Variants in RPTOR observed in about 807,000 individuals in gnomAD.
The protein encoded by RPTOR is regulatory-associated protein of mTOR.
In RPTOR, 21 loss-of-function variants were observed where a neutral mutation model predicts 169.9. The ratio of observed to expected loss-of-function variants is 0.12; its 90% CI spans 0.09 to 0.18. The LOEUF (loss-of-function observed/expected upper bound fraction) is 0.18. RPTOR is among the 10% of genes least tolerant of loss of function. The probability of loss-of-function intolerance (pLI) is 1.00; values close to 1 mark genes in which losing one functional copy is unlikely to be tolerated. For synonymous variants in RPTOR, 732 were observed against 753.2 expected (o/e 0.97, Z 0.46); for missense variants, 1,133 against 1,855.9 (o/e 0.61, Z 7.16).
chr17:80,914,106 C>T (rs932107617), intron 21 of RPTOR, among the ~76,000 whole-genome samples: 4 of 152,228 alleles, frequency 2.6e-5, no homozygotes, highest in Non-Finnish European at 4.4e-5. Flanking sequence ...GTGTACTTAA[C>T]GAAAGGTCAA....
At chr17:80,559,557 T>C (rs1395812038) in intron 1 of RPTOR, among the ~76,000 whole-genome samples, 1 of 152,196 alleles carries the variant, frequency 6.6e-6, no homozygotes, top group African/African-American at 2.4e-5. Context: ...GCTTTGCCCT[T>C]GGTGTGGCAT....
chr17:80,819,706 G>A (rs533276600), intron 7 of RPTOR, among the ~76,000 whole-genome samples: 1 of 152,320 alleles, frequency 6.6e-6, no homozygotes, highest in African/African-American at 2.4e-5. Flanking sequence ...TTTTTGTTTA[G>A]GGCAGGGACA....
chr17:80,667,918 G>T (rs1040060974), intron 3 of RPTOR, among the ~76,000 whole-genome samples: 1 of 152,166 alleles, frequency 6.6e-6, no homozygotes, highest in African/African-American at 2.4e-5. Context: ...ATTTTAGTGG[G>T]AAAATCCACA....
At chr17:80,829,002 T>G (rs190051905) in intron 9 of RPTOR, among the ~76,000 whole-genome samples, 1 of 152,214 alleles carries the variant, frequency 6.6e-6, no homozygotes, top group East Asian at 1.9e-4. Context: ...CTAAACAGAT[T>G]TATAAATAAA....
At chr17:80,848,067 G>T (rs1184836861) in intron 11 of RPTOR, among the ~76,000 whole-genome samples, 2 of 152,254 alleles carry the variant, frequency 1.3e-5, no homozygotes, top group Non-Finnish European at 1.5e-5. Context: ...AGAAAGAGGA[G>T]TTGGGAGAAG....
At chr17:80,750,911 TATC>T (rs531485389) in intron 5 of RPTOR, among the ~76,000 whole-genome samples, 3 of 152,316 alleles carry the variant, frequency 2.0e-5, no homozygotes, top group South Asian at 4.1e-4. Flanking sequence ...ACAGGTAATT[TATC>T]ATCATAAAAA....
chr17:80,675,083 A>G (rs1023620212), intron 3 of RPTOR, among the ~76,000 whole-genome samples: 11 of 152,192 alleles, frequency 7.2e-5, no homozygotes, highest in African/African-American at 2.7e-4. Context: ...TTCTTTGTTC[A>G]GCTATGTCCA....
intron 1 of RPTOR, among the ~76,000 whole-genome samples, chr17:80,560,952 C>T (rs115610344): frequency 4.9e-4 from 74 of 151,992 alleles, no homozygotes; most frequent in African/African-American, 1.4e-3. Flanking sequence ...ATCTGTGAGC[C>T]GGGGGGCTGG....
At chr17:80,903,751 G>A (rs960571501) in intron 20 of RPTOR, among the ~76,000 whole-genome samples, 9 of 152,094 alleles carry the variant, frequency 5.9e-5, no homozygotes, top group East Asian at 1.9e-4. Flanking sequence ...AGTGAGTTCC[G>A]GCCAGGCCTC....
At chr17:80,634,528 GTGCA>G (rs2065479511) in intron 2 of RPTOR, among the ~76,000 whole-genome samples, 3 of 146,964 alleles carry the variant, frequency 2.0e-5, no homozygotes, top group Admixed American at 6.8e-5. Flanking sequence ...TGCGTACTGT[GTGCA>G]TGTGCGTACT....
At position 80,545,769 on chromosome 17, in the gene RPTOR, A is replaced by G; in HGVS notation, c.140A>G (p.Gln47Arg). The G allele has an allele frequency of 6.2e-7, 1 of 1,611,928 alleles. No homozygotes were observed. Among genetic ancestry groups the G allele is most frequent in the South Asian group, 1.1e-5 (1 of 90,854 alleles). Residue 47 changes from glutamine (Q) to arginine (R), a missense_variant, in exon 1 of 34, where the codon CAG becomes CGG. This residue lies in a region of RPTOR where 47 missense variants were observed against 59.5 expected (regional missense o/e 0.79). Transcript: ENST00000306801. ...ATTGAAGGCTCCAAATCCTTAGCTC[A>G]GAGCTGGAGGATGAAGGATCGGGTA... ...EKIEGSKSLA[Q>R]SWRMKDRMKT...
At chr17:80,626,735 A>G (rs1242765412) in intron 2 of RPTOR, among the ~76,000 whole-genome samples, 1 of 140,258 alleles carries the variant, frequency 7.1e-6, no homozygotes, top group Non-Finnish European at 1.5e-5. Context: ...TTTTTTTTTT[A>G]ATTGTGGTAA....
chr17:80,894,685 C>T (rs759826480), intron 20 of RPTOR, among the ~76,000 whole-genome samples: 6 of 152,142 alleles, frequency 3.9e-5, no homozygotes, highest in Non-Finnish European at 7.3e-5. Flanking sequence ...AGTGGCTTAC[C>T]GGCTTCATTT....
At chr17:80,933,921 C>A (rs1280236580) in intron 24 of RPTOR, among the ~76,000 whole-genome samples, 2 of 152,182 alleles carry the variant, frequency 1.3e-5, no homozygotes, top group African/African-American at 2.4e-5. Flanking sequence ...TAGTTCCTGT[C>A]TATTAAAGAA....
At chr17:80,612,499 G>A (rs527257052) in intron 1 of RPTOR, among the ~76,000 whole-genome samples, 91 of 152,298 alleles carry the variant, frequency 6.0e-4, no homozygotes, top group African/African-American at 2.1e-3. Context: ...ATTCTGTGTT[G>A]TAAATCTGAC....
chr17:80,686,519 T>C (rs1322033583), intron 3 of RPTOR, among the ~76,000 whole-genome samples: 1 of 152,008 alleles, frequency 6.6e-6, no homozygotes, highest in African/African-American at 2.4e-5. Context: ...GCCATGTTTC[T>C]TCCCCGTGAA....
At chr17:80,882,879 G>C (rs940934376) in intron 14 of RPTOR, among the ~76,000 whole-genome samples, 1 of 152,222 alleles carries the variant, frequency 6.6e-6, no homozygotes, top group African/African-American at 2.4e-5. Flanking sequence ...ACCGCGCGAC[G>C]TGTGTGTAAA....
At chr17:80,780,935 AT>A (rs890285747) in intron 6 of RPTOR, among the ~76,000 whole-genome samples, 2 of 152,126 alleles carry the variant, frequency 1.3e-5, no homozygotes, top group Non-Finnish European at 2.9e-5. Flanking sequence ...CTTGTGTGTG[AT>A]TTTTTATGTG....
intron 1 of RPTOR, among the ~76,000 whole-genome samples, chr17:80,584,614 GTT>G (rs2065043644): frequency 6.6e-6 from 1 of 152,212 alleles, no homozygotes; most frequent in Non-Finnish European, 1.5e-5. Flanking sequence ...CTTTTCCTGT[GTT>G]TCATTTTTCC....
Sources: gnomAD v4.1 joint callset for allele counts (sites outside exome capture counted in the v4.1 genomes callset) on GRCh38, gnomAD v4.1.1 for gene constraint, gnomAD v4.1.1 regional missense constraint, MANE v1.5 for transcripts, NCBI Gene and HGNC (gene_info 2026-07-23, HGNC 2026-07-21) for gene names.